The following PARVB variants were observed in gnomAD, a reference collection of about 807,000 sequenced individuals.
The protein encoded by PARVB is parvin beta.
In PARVB, 46 loss-of-function variants were observed where a neutral mutation model predicts 47.0. That is an observed-to-expected ratio of 0.98 (90% CI 0.77 to 1.25). PARVB has a LOEUF of 1.25. Ranked by LOEUF, PARVB falls within the 50% of genes most tolerant of loss-of-function variation. The pLI, the probability that PARVB is intolerant of heterozygous loss-of-function variation, is 0.00. For missense variants in PARVB, 473 were observed against 471.6 expected (o/e 1.00, Z -0.03); for synonymous variants, 196 against 196.3 (o/e 1.00, Z 0.01).
At chr22:44,161,767 G>A (rs990550473) in intron 11 of PARVB, among the ~76,000 whole-genome samples, 4 of 152,192 alleles carry the variant, frequency 2.6e-5, no homozygotes, top group South Asian at 2.1e-4. Context: ...CACAGCACCC[G>A]CAGGTCGCTC....
chr22:44,091,784 G>T (rs1339566184), intron 1 of PARVB, among the ~76,000 whole-genome samples: 2 of 152,194 alleles, frequency 1.3e-5, no homozygotes, highest in Non-Finnish European at 2.9e-5. Context: ...TCGAATCAAA[G>T]AACTTCCTAA....
At chr22:44,023,902 C>T (rs893223195), upstream of PARVB, among the ~76,000 whole-genome samples, 90 of 152,374 alleles carry the variant, frequency 5.9e-4, no homozygotes, top group African/African-American at 1.9e-3. Flanking sequence ...GAAGGGCTCC[C>T]CCTGCCCCGG....
At chr22:44,087,846 G>GTT (rs57893038) in intron 1 of PARVB, among the ~76,000 whole-genome samples, 37,796 of 121,556 alleles carry the variant, frequency 0.31, 4,640 homozygotes, top group East Asian at 0.39. Flanking sequence ...GAACGATGGT[G>GTT]TTTTTTTTTT....
At chr22:44,167,612 C>A (rs929740876) in intron 12 of PARVB, among the ~76,000 whole-genome samples, 1 of 152,158 alleles carries the variant, frequency 6.6e-6, no homozygotes, top group African/African-American at 2.4e-5. Context: ...GCCATTCTCC[C>A]TCCCCTGCCT....
intron 2 of PARVB, among the ~76,000 whole-genome samples, chr22:44,097,218 G>C (rs1213168663): frequency 1.3e-5 from 2 of 152,202 alleles, no homozygotes; most frequent in East Asian, 3.9e-4. Context: ...CTGGAGTCCT[G>C]TTCCTCAATG....
intron 1 of PARVB, among the ~76,000 whole-genome samples, chr22:44,093,235 T>C (rs2052216028): frequency 6.6e-6 from 1 of 152,230 alleles, no homozygotes; most frequent in African/African-American, 2.4e-5. Context: ...AGGGTCTCAC[T>C]GGTGCAGGGA....
At chr22:44,048,741 T>C (rs539957958) in intron 1 of PARVB, among the ~76,000 whole-genome samples, 377 of 152,228 alleles carry the variant, frequency 2.5e-3, no homozygotes, top group South Asian at 9.5e-3. Context: ...TTTGTATTTT[T>C]AGTAGAGACA....
At chr22:44,080,865 A>G (rs2051884573) in intron 1 of PARVB, among the ~76,000 whole-genome samples, 1 of 152,152 alleles carries the variant, frequency 6.6e-6, no homozygotes, top group African/African-American at 2.4e-5. Flanking sequence ...AGAGCAGGCC[A>G]TGCATCTGTC....
intron 1 of PARVB, among the ~76,000 whole-genome samples, chr22:44,043,427 G>A (rs1029256710): frequency 6.6e-6 from 1 of 152,096 alleles, no homozygotes; most frequent in Admixed American, 6.6e-5. Context: ...CGCCCATGCT[G>A]GAGTGCAGTG....
chr22:44,167,487 G>A (rs1289648473), intron 12 of PARVB, among the ~76,000 whole-genome samples: 1 of 152,154 alleles, frequency 6.6e-6, no homozygotes, highest in Non-Finnish European at 1.5e-5. Flanking sequence ...TGGTCTCCCT[G>A]TGAGTCCACC....
At chr22:44,062,211 G>C (rs887159005) in intron 1 of PARVB, among the ~76,000 whole-genome samples, 4 of 152,136 alleles carry the variant, frequency 2.6e-5, no homozygotes, top group African/African-American at 7.2e-5. Context: ...CTGCAGTTCA[G>C]TTCAATTCTG....
intron 9 of PARVB, chr22:44,151,163 C>G: frequency 4.0e-6 from 1 of 252,028 alleles, no homozygotes; most frequent in Non-Finnish European, 7.8e-6. Context: ...TGATCCTCCC[C>G]TGGCAGTTTC....
intron 8 of PARVB, 63 bp downstream of exon 8, chr22:44,140,206 A>G: frequency 1.3e-6 from 2 of 1,536,852 alleles, no homozygotes; most frequent in African/African-American, 2.7e-5. Context: ...GGAAGCTCCC[A>G]GAGAGTGTAC....
rs1187519756 is a variant in PARVB, at chr22:44,065,395, G to A, written c.113-28533G>A. On this transcript the variant is annotated intron_variant, in intron 1 of 12. Coordinates refer to ENST00000338758, the MANE Select transcript of PARVB (RefSeq NM_013327.5). ...TGGTCTCGAACTCCTGGGCTCAAGC[G>A]ATCCTCCTGCCTCGGCCTCCCAAAG... 2.6e-5 allele frequency among the ~76,000 whole-genome samples: 4 copies of A among 152,122 alleles called. No individual in the cohort carries two copies. In the East Asian group the frequency reaches 5.8e-4, roughly 22 times the overall value.
intron 2 of PARVB, among the ~76,000 whole-genome samples, chr22:44,011,152 T>C (rs2050518797): frequency 6.6e-6 from 1 of 152,034 alleles, no homozygotes. Context: ...AAAAATATTT[T>C]TCATAGAGAT....
At chr22:44,009,892 C>T (rs2050505310) in intron 2 of PARVB, among the ~76,000 whole-genome samples, 2 of 150,678 alleles carry the variant, frequency 1.3e-5, no homozygotes, top group East Asian at 3.9e-4. Flanking sequence ...ACTGCAACCT[C>T]TGCCTCCTGG....
chr22:44,056,361 A>G (rs1454756451), intron 1 of PARVB, among the ~76,000 whole-genome samples: 1 of 152,182 alleles, frequency 6.6e-6, no homozygotes, highest in East Asian at 1.9e-4. Context: ...AGGTGGGTGA[A>G]GGGCACACAC....
At chr22:44,023,229 G>C (rs796711639), upstream of PARVB, among the ~76,000 whole-genome samples, 68 of 152,232 alleles carry the variant, frequency 4.5e-4, no homozygotes, top group African/African-American at 1.5e-3. Context: ...TGGGTATCTA[G>C]GCTGGGCATG....
chr22:44,102,661 G>A (rs2052476136), intron 3 of PARVB: 1 of 151,764 alleles, frequency 6.6e-6, no homozygotes, highest in Non-Finnish European at 1.5e-5. Context: ...GCAACATGGT[G>A]AAACCCTGTC....
Sources: gnomAD v4.1 joint callset for allele counts (sites outside exome capture counted in the v4.1 genomes callset) on GRCh38, gnomAD v4.1.1 for gene constraint, MANE v1.5 for transcripts, NCBI Gene and HGNC (gene_info 2026-07-23, HGNC 2026-07-21) for gene names.